ACVR2B: variants seen among roughly 807,000 people sequenced by gnomAD.
ACVR2B encodes activin A receptor type 2B, also known as activin receptor type-2B.
A neutral mutation model predicts 65.1 loss-of-function variants in ACVR2B; 18 were observed. The ratio of observed to expected loss-of-function variants is 0.28; its 90% CI spans 0.19 to 0.41. The LOEUF (loss-of-function observed/expected upper bound fraction) is 0.41, where lower values mean the gene tolerates loss of function less well. Among genes scored for constraint, ACVR2B ranks in the 10% least tolerant of loss-of-function variants. The probability of loss-of-function intolerance (pLI) is 1.00; values close to 1 mark genes in which losing one functional copy is unlikely to be tolerated. For synonymous variants in ACVR2B, 298 were observed against 277.7 expected, an observed-to-expected ratio of 1.07 and a Z score of -0.73; for missense variants, 482 against 682.7, an observed-to-expected ratio of 0.71 and a Z score of 3.28.
chr3:38,461,575 A>G (rs1709647705), intron 1 of ACVR2B, among the ~76,000 whole-genome samples: 2 of 152,098 alleles, frequency 1.3e-5, no homozygotes, highest in African/African-American at 2.4e-5. Context: ...GGCCAGGGCA[A>G]TGTAGTCCTA....
intron 1 of ACVR2B, among the ~76,000 whole-genome samples, chr3:38,457,782 G>T (rs189042145): frequency 2.0e-5 from 3 of 152,332 alleles, no homozygotes; most frequent in African/African-American, 4.8e-5. Context: ...CTGACCCAAA[G>T]AAGTTTCTTG....
At chr3:38,465,153 C>T (rs2125715166) in intron 1 of ACVR2B, among the ~76,000 whole-genome samples, 1 of 152,070 alleles carries the variant, frequency 6.6e-6, no homozygotes, top group South Asian at 2.1e-4. Context: ...AATCCCAGCA[C>T]TTTGGGAGGC....
At position 38,485,666 on chromosome 3, in the gene ACVR2B, CTTTTTTTTTTTTTTTTT is replaced by C. The variant is rs59343196; in HGVS notation, c.*2345_*2361del. The C allele has an allele frequency of 2.5e-5, 1 of 39,794 alleles. No homozygotes were observed. The highest frequency in any genetic ancestry group is 6.0e-4 in the East Asian group (1 of 1,658). The allele number at this position is 39,794 out of a possible 1,614,324, so 2.5% of individuals were successfully genotyped here. ...ACAGGGTTTCGGTAAGCTATGTTGT[CTTTTTTTTTTTTTTTTT>C]TTTTTTTTTTAATGGTTTGATTTTG... On this transcript the variant is annotated 3_prime_UTR_variant, in exon 11 of 11. Coordinates refer to ENST00000352511, the MANE Select transcript of ACVR2B (RefSeq NM_001106.4).
chr3:38,478,159 C>A lies in ACVR2B; in HGVS notation c.389C>A (p.Pro130Gln), dbSNP rs539715843. ...CCCCCAGTCACGTACGAGCCACCCC[C>A]GACAGCCCCCACCCTGCTCACGGTG... ...GGPEVTYEPP[P>Q]TAPTLLTVLA... is the part of the protein sequence containing the mutation. Residue 130 changes from proline (P) to glutamine (Q), a missense_variant, in exon 4 of 11, where the codon CCG becomes CAG. Pro to Gln is a moderately conservative substitution (Grantham distance 76, BLOSUM62 -1). This residue lies in a region of ACVR2B where 95 missense variants were observed against 91.6 expected (regional missense o/e 1.04). Transcript: ENST00000352511. 2 of 1,612,430 alleles carry A rather than the reference C, an allele frequency of 1.2e-6. No individual in the cohort carries two copies. The highest frequency in any genetic ancestry group is 1.7e-6 in the Non-Finnish European group (2 of 1,179,900).
chr3:38,459,790 T>C, intron 1 of ACVR2B: 2 of 507,176 alleles, frequency 3.9e-6, no homozygotes, highest in Non-Finnish European at 5.1e-6. Context: ...TGGGCAGCGC[T>C]GCCTTAGACA....
intron 1 of ACVR2B, among the ~76,000 whole-genome samples, chr3:38,454,993 G>C (rs1349356782): frequency 6.6e-6 from 1 of 152,048 alleles, no homozygotes; most frequent in Non-Finnish European, 1.5e-5. Context: ...CGCTTTGTTT[G>C]GGCACTTGGG....
chr3:38,471,791 C>T (rs1309244051), intron 1 of ACVR2B, among the ~76,000 whole-genome samples: 1 of 152,078 alleles, frequency 6.6e-6, no homozygotes. Context: ...AAAATGAGGA[C>T]CTGCACAGGT....
intron 1 of ACVR2B, 124 bp downstream of exon 1, chr3:38,454,498 C>A (rs992167582): frequency 3.3e-6 from 3 of 897,186 alleles, no homozygotes; most frequent in Non-Finnish European, 4.3e-6. Flanking sequence ...GTATTCAGCC[C>A]TCACCTCCGG....
chr3:38,468,227 C>A (rs1234432781), intron 1 of ACVR2B, among the ~76,000 whole-genome samples: 1 of 152,148 alleles, frequency 6.6e-6, no homozygotes, highest in African/African-American at 2.4e-5. Flanking sequence ...TGAATACTTA[C>A]TAAAAGCTCT....
rs566366978 is a variant in ACVR2B at position 38,455,749 on chromosome 3, T to G, written c.52+1375T>G. On this transcript the variant is annotated intron_variant, in intron 1 of 10. Transcript: ENST00000352511. ...CCGCTTCTTGGAGGCGAAGTGGTGG[T>G]CGTGTTGGACTTTCTGCTCTTTTTT... is the stretch of plus-strand genomic sequence containing the variant. Among the ~76,000 whole-genome samples, 27 of 152,278 alleles carry G rather than the reference T, an allele frequency of 1.8e-4. No homozygotes were observed. The South Asian group carries it at 5.0e-3, about 28-fold the overall frequency.
At chr3:38,482,071 A>G (rs1710025964) in intron 8 of ACVR2B, 127 bp from the exon 9 acceptor site, 13 of 1,245,732 alleles carry the variant, frequency 1.0e-5, no homozygotes, top group African/African-American at 1.5e-5. Context: ...GTTTGCTATC[A>G]TTGATAACCT....
chr3:38,455,079 T>A (rs1052756447), intron 1 of ACVR2B, among the ~76,000 whole-genome samples: 3 of 151,720 alleles, frequency 2.0e-5, no homozygotes, highest in Non-Finnish European at 4.4e-5. Context: ...CGTGGCGGGG[T>A]GGGTGACCAG....
chr3:38,470,955 C>T (rs1228759510), intron 1 of ACVR2B, among the ~76,000 whole-genome samples: 7 of 151,898 alleles, frequency 4.6e-5, no homozygotes, highest in Non-Finnish European at 2.9e-5. Context: ...TATAAACATA[C>T]CCAGAAATCA....
intron 1 of ACVR2B, among the ~76,000 whole-genome samples, chr3:38,462,226 TAAATA>T (rs1276459244): frequency 1.3e-5 from 2 of 151,946 alleles, no homozygotes; most frequent in African/African-American, 2.4e-5. Flanking sequence ...AACAAATAAA[TAAATA>T]AATAAATAGG....
intron 1 of ACVR2B, among the ~76,000 whole-genome samples, chr3:38,471,145 T>C (rs897179705): frequency 2.6e-5 from 4 of 152,154 alleles, no homozygotes; most frequent in African/African-American, 7.2e-5. Flanking sequence ...AGAGCATTCA[T>C]TACAAATGAA....
intron 1 of ACVR2B, among the ~76,000 whole-genome samples, chr3:38,455,134 G>C (rs1575575334): frequency 6.6e-6 from 1 of 152,288 alleles, no homozygotes; most frequent in East Asian, 1.9e-4. Flanking sequence ...GGAGGTGTTC[G>C]GCCAGCGCAT....
At chr3:38,476,141 G>A (rs1709904029) in intron 1 of ACVR2B, 1 of 152,322 alleles carries the variant, frequency 6.6e-6, no homozygotes. Flanking sequence ...TCTTTCCTAT[G>A]TCAGGGCTAT....
At chr3:38,478,696 A>G (rs899656319) in intron 5 of ACVR2B, among the ~76,000 whole-genome samples, 178 bp downstream of exon 5, 2 of 152,154 alleles carry the variant, frequency 1.3e-5, no homozygotes, top group African/African-American at 4.8e-5. Context: ...TCATGCAACT[A>G]TGGAATTTTA....
intron 1 of ACVR2B, among the ~76,000 whole-genome samples, chr3:38,458,862 A>G (rs148825930): frequency 1.4e-4 from 21 of 152,136 alleles, no homozygotes; most frequent in African/African-American, 4.3e-4. Flanking sequence ...CCTTGACACT[A>G]TTACATTTTG....
Sources: gnomAD v4.1 joint callset for allele counts (sites outside exome capture counted in the v4.1 genomes callset) on GRCh38, gnomAD v4.1.1 for gene constraint, gnomAD v4.1.1 regional missense constraint, MANE v1.5 for transcripts, NCBI Gene and HGNC (gene_info 2026-07-23, HGNC 2026-07-21) for gene names.